COX16: variants seen among roughly 807,000 people sequenced by gnomAD.
COX16 encodes the protein cytochrome c oxidase assembly protein COX16 homolog, mitochondrial.
A neutral mutation model predicts 15.4 loss-of-function variants in COX16; 12 were observed. That is an observed-to-expected ratio of 0.78 (90% CI 0.50 to 1.26). COX16 has a LOEUF of 1.26. Ranked by LOEUF, COX16 falls within the 50% of genes most tolerant of loss-of-function variation. The probability of loss-of-function intolerance (pLI) is 0.00; values close to 1 mark genes in which losing one functional copy is unlikely to be tolerated. For synonymous variants in COX16, 46 were observed against 41.1 expected (o/e 1.12, Z -0.46); for missense variants, 124 against 127.6 (o/e 0.97, Z 0.14).
chr14:70,329,537 C>T (rs985988777), intron 2 of COX16, among the ~76,000 whole-genome samples: 1 of 151,922 alleles, frequency 6.6e-6, no homozygotes, highest in Non-Finnish European at 1.5e-5. Flanking sequence ...ATATGGGACA[C>T]GGGGTTTGAA....
At chr14:70,341,492 C>T (rs2140717088) in intron 2 of COX16, among the ~76,000 whole-genome samples, 1 of 152,276 alleles carries the variant, frequency 6.6e-6, no homozygotes, top group Middle Eastern at 3.4e-3. Flanking sequence ...AAGCTATGTA[C>T]TTCTGAATGA....
chr14:70,337,618 AAAAT>A (rs1404033091), intron 2 of COX16, among the ~76,000 whole-genome samples: 14 of 152,258 alleles, frequency 9.2e-5, no homozygotes, highest in African/African-American at 2.6e-4. Flanking sequence ...AAACAAGAGA[AAAAT>A]AAAGCAGATC....
chr14:70,349,279 A>G (rs12433437), intron 1 of COX16, among the ~76,000 whole-genome samples: 132,618 of 152,168 alleles, frequency 0.87, 57,859 homozygotes, highest in East Asian at 0.93. Flanking sequence ...CCGGGGCCAG[A>G]TACCCAGGCA....
At chr14:70,337,499 T>C (rs1886491597) in intron 2 of COX16, among the ~76,000 whole-genome samples, 1 of 152,036 alleles carries the variant, frequency 6.6e-6, no homozygotes, top group African/African-American at 2.4e-5. Context: ...AAGCCTTTTA[T>C]GGAAGAAAAC....
At chr14:70,339,830 T>G (rs543780333) in intron 2 of COX16, among the ~76,000 whole-genome samples, 47 of 152,282 alleles carry the variant, frequency 3.1e-4, no homozygotes, top group African/African-American at 1.1e-3. Flanking sequence ...ATAAGCCTTG[T>G]CTTCTGATCC....
chr14:70,353,822 C>CT (rs558394905), intron 1 of COX16, among the ~76,000 whole-genome samples: 2,354 of 151,840 alleles, frequency 0.016, 34 homozygotes, highest in South Asian at 0.036. Context: ...CCCTACCTTC[C>CT]TTTTTTTTAT....
chr14:70,334,212 G>A (rs2140694949), intron 2 of COX16, among the ~76,000 whole-genome samples: 1 of 152,276 alleles, frequency 6.6e-6, no homozygotes, highest in South Asian at 2.1e-4. Context: ...AATTTGCTAA[G>A]AGATTGGCAA....
rs1253989069 is a variant in COX16 at position 70,359,505 on chromosome 14, C to G, written c.69+14G>C. On this transcript the variant is annotated intron_variant, in intron 1 of 3. Coordinates refer to ENST00000389912, the MANE Select transcript of COX16 (RefSeq NM_016468.7). Reference sequence around the variant, plus strand: ...GTCCCACCCCTTGCGGAAGATCCTCCTCACTCCACTCACCAACATGGGGAC... The same window carrying G: ...GTCCCACCCCTTGCGGAAGATCCTCGTCACTCCACTCACCAACATGGGGAC... The G allele has an allele frequency of 1.1e-5, 18 of 1,612,418 alleles. No homozygotes were observed. The highest frequency in any genetic ancestry group is 1.4e-5 in the Non-Finnish European group (17 of 1,178,478).
At chr14:70,330,791 A>AAG (rs1481921914) in intron 2 of COX16, among the ~76,000 whole-genome samples, 13 of 152,320 alleles carry the variant, frequency 8.5e-5, no homozygotes, top group Admixed American at 6.5e-5. Context: ...TGCGATTGTC[A>AAG]ATATTTGATG....
rs1594902629 is a variant in COX16 at position 70,325,724 on chromosome 14, T to G, written c.*609A>C. On this transcript the variant is annotated 3_prime_UTR_variant, in exon 4 of 4. Transcript: ENST00000389912. ...GCCATATCTGCTTATAATCATACACTACTTCATAATTTTTGACAACCATAA... is the reference window on the plus strand; with the variant it reads ...GCCATATCTGCTTATAATCATACACGACTTCATAATTTTTGACAACCATAA... 6.6e-6 allele frequency: 1 copy of G among 152,344 alleles called. No individual in the cohort carries two copies. Among genetic ancestry groups the G allele is most frequent in the African/African-American group, 2.4e-5 (1 of 41,570 alleles). The allele number at this position is 152,344 out of a possible 1,614,324, so 9.4% of individuals were successfully genotyped here.
In COX16 at chr14:70,326,210, A is replaced by T; in HGVS notation, c.*123T>A. The stretch of plus-strand genomic sequence containing the variant: ...AGTGAAGATTATTTGTCATCAAATT[A>T]CCCATATCCAAGTTTCCATGGGCCT... On this transcript the variant is annotated 3_prime_UTR_variant, in exon 4 of 4. Coordinates refer to ENST00000389912, the MANE Select transcript of COX16 (RefSeq NM_016468.7). 1.5e-6 allele frequency: 1 copy of T among 656,554 alleles called. No individual in the cohort carries two copies. The highest frequency in any genetic ancestry group is 2.2e-6 in the Non-Finnish European group (1 of 452,036). 40.7% of individuals were successfully genotyped at this position (656,554 alleles called of 1,614,324 possible). A position where few individuals can be genotyped will look rare whatever the true frequency, so the allele number is the denominator to read the frequency against.
At chr14:70,350,067 C>A (rs1886901341) in intron 1 of COX16, among the ~76,000 whole-genome samples, 1 of 152,212 alleles carries the variant, frequency 6.6e-6, no homozygotes, top group Non-Finnish European at 1.5e-5. Context: ...CATCCCTTTT[C>A]CCTTTTCTAT....
chr14:70,340,145 A>T (rs1172416827), intron 2 of COX16, among the ~76,000 whole-genome samples: 6 of 152,172 alleles, frequency 3.9e-5, no homozygotes, highest in Admixed American at 1.3e-4. Flanking sequence ...TAATCAAATC[A>T]TGGACGTGGT....
chr14:70,359,680 C>T lies in COX16; in HGVS notation c.-93G>A. ...CACGCTCTCACCAAGACGAGTACGT[C>T]CTTAACTCACTTCCTTTTCCTTGGT... On this transcript the variant is annotated 5_prime_UTR_variant, in exon 1 of 4. Transcript: ENST00000389912. 2 of 1,089,330 alleles carry T rather than the reference C, an allele frequency of 1.8e-6. No individual in the cohort carries two copies. Among genetic ancestry groups the T allele is most frequent in the South Asian group, 2.6e-5 (2 of 76,048 alleles). 67.5% of individuals were successfully genotyped at this position (1,089,330 alleles called of 1,614,324 possible). A position where few individuals can be genotyped will look rare whatever the true frequency, so the allele number is the denominator to read the frequency against.
At chr14:70,327,379 C>T (rs1886116514) in intron 3 of COX16, among the ~76,000 whole-genome samples, 1 of 151,990 alleles carries the variant, frequency 6.6e-6, no homozygotes, top group Non-Finnish European at 1.5e-5. Context: ...TCAAATTCTA[C>T]AGGTCCTAGA....
chr14:70,352,645 C>CTTT (rs576495712), intron 1 of COX16, among the ~76,000 whole-genome samples: 5 of 84,478 alleles, frequency 5.9e-5, no homozygotes, highest in East Asian at 3.0e-4. Flanking sequence ...CTTTTTTTTT[C>CTTT]TTTTTTTTTT....
intron 1 of COX16, among the ~76,000 whole-genome samples, chr14:70,350,772 CAAT>C (rs1400964699): frequency 6.6e-6 from 1 of 152,166 alleles, no homozygotes; most frequent in African/African-American, 2.4e-5. Context: ...AATGAACAAA[CAAT>C]AGTTCATCCA....
chr14:70,338,423 A>T (rs1001534754), intron 2 of COX16, among the ~76,000 whole-genome samples: 1 of 152,064 alleles, frequency 6.6e-6, no homozygotes, highest in Non-Finnish European at 1.5e-5. Flanking sequence ...CCAGAAGATA[A>T]TTTGAAAGTC....
At chr14:70,358,996 T>A (rs1887214759) in intron 1 of COX16, among the ~76,000 whole-genome samples, 1 of 152,224 alleles carries the variant, frequency 6.6e-6, no homozygotes, top group South Asian at 2.1e-4. Context: ...AAGGTGTTAT[T>A]AGTTCATCAC....
Sources: gnomAD v4.1 joint callset for allele counts (sites outside exome capture counted in the v4.1 genomes callset) on GRCh38, gnomAD v4.1.1 for gene constraint, MANE v1.5 for transcripts, NCBI Gene and HGNC (gene_info 2026-07-23, HGNC 2026-07-21) for gene names.